The following PARD3B variants were observed in gnomAD, a reference collection of about 807,000 sequenced individuals.
PARD3B encodes the protein partitioning defective 3 homolog B.
PARD3B carries 103 observed loss-of-function variants against 130.2 expected under a neutral mutation model. The ratio of observed to expected loss-of-function variants is 0.79; its 90% CI spans 0.67 to 0.93. The LOEUF is 0.93. PARD3B is among the 40% of genes least tolerant of loss of function. The probability of loss-of-function intolerance (pLI) is 0.00; values close to 1 mark genes in which losing one functional copy is unlikely to be tolerated. For synonymous variants in PARD3B, 583 were observed against 553.2 expected (o/e 1.05, Z -0.76); for missense variants, 1,609 against 1,499.2 (o/e 1.07, Z -1.21).
chr2:205,345,553 C>T (rs1411589369), intron 18 of PARD3B, among the ~76,000 whole-genome samples: 1 of 151,856 alleles, frequency 6.6e-6, no homozygotes, highest in African/African-American at 2.4e-5. Flanking sequence ...TCCTGAACTC[C>T]ATCAGTTGAA....
At chr2:205,602,467 G>A (rs1184618221) in intron 22 of PARD3B, among the ~76,000 whole-genome samples, 1 of 152,174 alleles carries the variant, frequency 6.6e-6, no homozygotes, top group Non-Finnish European at 1.5e-5. Flanking sequence ...GCTCCTCTTT[G>A]TACCTGTGGT....
chr2:205,121,105 T>A lies in PARD3B; in HGVS notation c.807-486T>A, dbSNP rs2030656281. On this transcript the variant is annotated intron_variant, in intron 7 of 22. Coordinates refer to ENST00000406610, the MANE Select transcript of PARD3B (RefSeq NM_001302769.2). This position sits in a 1 kb window ranked among gnomAD's most constrained non-coding sequence, Gnocchi z 5.0. ...GCAAACATGGATGTCAAACTTGAAC[T>A]TGTGTAACACAACCCATGTTAGAGA... Among the ~76,000 whole-genome samples, 1 of 152,230 alleles carries A rather than the reference T, an allele frequency of 6.6e-6. No homozygotes were observed. The highest frequency in any genetic ancestry group is 1.9e-4 in the East Asian group (1 of 5,190).
intron 20 of PARD3B, among the ~76,000 whole-genome samples, chr2:205,471,115 G>A (rs1273363894): frequency 1.3e-5 from 2 of 152,070 alleles, no homozygotes; most frequent in Non-Finnish European, 1.5e-5. Context: ...GAAGTTTGTT[G>A]TCCAGGTGAG....
At chr2:204,718,284 C>T (rs1278627726) in intron 2 of PARD3B, among the ~76,000 whole-genome samples, 1 of 152,024 alleles carries the variant, frequency 6.6e-6, no homozygotes, top group Non-Finnish European at 1.5e-5. Context: ...TCTGTTCTCA[C>T]ATGGCTATAA....
At chr2:204,613,648 G>C (rs536810917) in intron 1 of PARD3B, among the ~76,000 whole-genome samples, 83 of 151,922 alleles carry the variant, frequency 5.5e-4, no homozygotes, top group African/African-American at 1.9e-3. Flanking sequence ...CATTTTCTAA[G>C]GTTTATCTTA....
intron 2 of PARD3B, among the ~76,000 whole-genome samples, chr2:204,875,377 T>C (rs2045796996): frequency 6.6e-6 from 1 of 152,234 alleles, no homozygotes; most frequent in African/African-American, 2.4e-5. Flanking sequence ...TGTTGCCTTC[T>C]AGTTTTCAAT....
chr2:204,564,577 A>G (rs1016146974), intron 1 of PARD3B, among the ~76,000 whole-genome samples: 4 of 152,240 alleles, frequency 2.6e-5, no homozygotes, highest in Non-Finnish European at 5.9e-5. Context: ...TAAAATAACA[A>G]AGTGCCCATT....
chr2:205,159,650 A>G (rs2034394392), intron 11 of PARD3B, among the ~76,000 whole-genome samples: 1 of 152,224 alleles, frequency 6.6e-6, no homozygotes, highest in African/African-American at 2.4e-5. Flanking sequence ...AAATCACACA[A>G]TGTGATGAAA....
chr2:204,971,636 T>C (rs535350426), intron 3 of PARD3B, among the ~76,000 whole-genome samples: 1 of 151,100 alleles, frequency 6.6e-6, no homozygotes, highest in Non-Finnish European at 1.5e-5. Context: ...TTTTTCCCCC[T>C]CCATGAAGGC....
intron 2 of PARD3B, among the ~76,000 whole-genome samples, chr2:204,724,431 G>A (rs2039129141): frequency 6.6e-6 from 1 of 152,056 alleles, no homozygotes; most frequent in African/African-American, 2.4e-5. Context: ...TCACAGCAAG[G>A]ATGTACTCTA....
intron 19 of PARD3B, among the ~76,000 whole-genome samples, chr2:205,402,394 C>G (rs146459660): frequency 6.6e-6 from 1 of 152,162 alleles, no homozygotes; most frequent in Non-Finnish European, 1.5e-5. Context: ...TGTGGGGAGC[C>G]TACATCATAG....
chr2:205,163,137 T>C (rs2034603870), intron 11 of PARD3B, among the ~76,000 whole-genome samples: 2 of 152,198 alleles, frequency 1.3e-5, no homozygotes. Context: ...GTACCAGTTC[T>C]GAATGGTGTT....
Position 205,056,030 on chromosome 2 carries a change from C to A in PARD3B, c.504+8340C>A, listed in dbSNP as rs1699610224. On this transcript the variant is annotated intron_variant, in intron 4 of 22. Transcript: ENST00000406610. ...GTATGGGTTGTGTCTTCCATAGGTTCTGAACTTCTGTATGTACCTTCCAAA... is the reference window on the plus strand; with the variant it reads ...GTATGGGTTGTGTCTTCCATAGGTTATGAACTTCTGTATGTACCTTCCAAA... Among the ~76,000 whole-genome samples, 3 of 152,114 alleles carry A rather than the reference C, an allele frequency of 2.0e-5. No individual in the cohort carries two copies. The South Asian group carries it at 6.2e-4, about 32-fold the overall frequency.
At chr2:205,061,082 C>A (rs1360723555) in intron 4 of PARD3B, among the ~76,000 whole-genome samples, 2 of 151,960 alleles carry the variant, frequency 1.3e-5, no homozygotes, top group Non-Finnish European at 2.9e-5. Context: ...GTCAGAGGTA[C>A]CTTACTGGAA....
chr2:205,466,675 G>A (rs187833274), intron 20 of PARD3B, among the ~76,000 whole-genome samples: 27 of 152,308 alleles, frequency 1.8e-4, no homozygotes, highest in Admixed American at 6.5e-4. Flanking sequence ...CTCAAAAGAT[G>A]TACTTTACCC....
At chr2:205,475,719 A>G (rs1401242200) in intron 20 of PARD3B, among the ~76,000 whole-genome samples, 1 of 152,206 alleles carries the variant, frequency 6.6e-6, no homozygotes, top group Non-Finnish European at 1.5e-5. Context: ...TAAGAAAGAA[A>G]AAGTCCTGCA....
intron 20 of PARD3B, among the ~76,000 whole-genome samples, chr2:205,491,239 A>G (rs577968025): frequency 6.6e-6 from 1 of 152,264 alleles, no homozygotes; most frequent in East Asian, 1.9e-4. Context: ...TATGGTTTTA[A>G]GTCTTAACAT....
chr2:205,321,878 A>C lies in PARD3B; in HGVS notation c.2630+20177A>C, dbSNP rs979192816. ...ACAATTAATGAAACTTCAGAAGTAA[A>C]CCTCTGTAAATAGGTGCAAATATCC... On this transcript the variant is annotated intron_variant, in intron 18 of 22. Transcript: ENST00000406610. The surrounding 1 kb of genome is among the most constrained non-coding windows in gnomAD (Gnocchi z 4.2). 2.0e-5 allele frequency among the ~76,000 whole-genome samples: 3 copies of C among 152,202 alleles called. No individual in the cohort carries two copies. Among genetic ancestry groups the C allele is most frequent in the African/African-American group, 7.2e-5 (3 of 41,456 alleles).
intron 21 of PARD3B, among the ~76,000 whole-genome samples, chr2:205,506,191 GGC>G (rs2050357057): frequency 6.6e-6 from 1 of 152,018 alleles, no homozygotes; most frequent in African/African-American, 2.4e-5. Flanking sequence ...AAATTAGCTG[GGC>G]ATGGTGGTGC....
Sources: allele counts gnomAD v4.1 joint callset (sites outside exome capture counted in the v4.1 genomes callset), GRCh38; gene constraint gnomAD v4.1.1; non-coding constraint Gnocchi (gnomAD v3.1); transcripts MANE v1.5; gene names NCBI Gene and HGNC (gene_info 2026-07-23, HGNC 2026-07-21).